Variants in PDS5A observed in about 807,000 individuals in gnomAD.
The protein encoded by PDS5A is sister chromatid cohesion protein PDS5 homolog A.
In PDS5A, 42 loss-of-function variants were observed where a neutral mutation model predicts 167.1. The ratio of observed to expected loss-of-function variants is 0.25; its 90% CI spans 0.20 to 0.33. The LOEUF (loss-of-function observed/expected upper bound fraction) is 0.33, where lower values mean the gene tolerates loss of function less well. Among genes scored for constraint, PDS5A ranks in the 10% least tolerant of loss-of-function variants. PDS5A has a pLI of 1.00. For synonymous variants in PDS5A, 553 were observed against 554.6 expected, an observed-to-expected ratio of 1.00 and a Z score of 0.04; for missense variants, 1,033 against 1,605.9, an observed-to-expected ratio of 0.64 and a Z score of 6.10.
At chr4:39,968,350 T>C (rs1158893013) in intron 2 of PDS5A, among the ~76,000 whole-genome samples, 1 of 147,684 alleles carries the variant, frequency 6.8e-6, no homozygotes, top group African/African-American at 2.4e-5. Flanking sequence ...TGTGATTCTT[T>C]TTTTTTTTTT....
intron 2 of PDS5A, among the ~76,000 whole-genome samples, chr4:39,929,554 T>TATATATATCC (rs1359707022): frequency 2.3e-5 from 3 of 128,482 alleles, no homozygotes; most frequent in African/African-American, 9.0e-5. Flanking sequence ...TATATATATA[T>TATATATATCC]ATCCCATTAA....
At chr4:39,965,948 A>G (rs1015524529) in intron 2 of PDS5A, among the ~76,000 whole-genome samples, 5 of 152,190 alleles carry the variant, frequency 3.3e-5, no homozygotes, top group African/African-American at 7.2e-5. Context: ...TATGTTATGT[A>G]TATTTTACCA....
At chr4:39,868,622 C>A in intron 22 of PDS5A, 1 of 453,536 alleles carries the variant, frequency 2.2e-6, no homozygotes, top group East Asian at 7.0e-5. Context: ...AGCCACCATG[C>A]CTAGCCCAAC....
intron 26 of PDS5A, among the ~76,000 whole-genome samples, chr4:39,861,724 T>A (rs1220195157): frequency 6.6e-6 from 1 of 152,222 alleles, no homozygotes; most frequent in East Asian, 1.9e-4. Flanking sequence ...TTACTCTGAT[T>A]TTCTCATTAC....
At chr4:39,928,353 A>G (rs1045349367) in intron 2 of PDS5A, among the ~76,000 whole-genome samples, 189 bp from the exon 3 acceptor site, 1 of 151,996 alleles carries the variant, frequency 6.6e-6, no homozygotes, top group African/African-American at 2.4e-5. Context: ...CGGCTAGTCT[A>G]AAAAACCCAT....
intron 32 of PDS5A, 123 bp downstream of exon 32, chr4:39,837,733 G>C (rs113434480): frequency 1.5e-6 from 1 of 680,540 alleles, no homozygotes; most frequent in Non-Finnish European, 2.4e-6. Context: ...AACGGACCCA[G>C]GAAAACCAGA....
At position 39,946,207 on chromosome 4, in the gene PDS5A, AAT is replaced by A. The variant is rs1491570234; in HGVS notation, c.139-18045_139-18044del. Among the ~76,000 whole-genome samples, 23 of 61,786 alleles carry A rather than the reference AAT, an allele frequency of 3.7e-4. No homozygotes were observed. In the East Asian group the frequency reaches 0.016, roughly 43 times the overall value. 40.5% of individuals were successfully genotyped at this position (61,786 alleles called of 152,430 possible). Reference sequence around the variant, plus strand: ...GGGTGATGGAGTGAGACTTCATCTCAATAAAAAAAAAAAAAGAAAGAAAAAAA... The same window carrying A: ...GGGTGATGGAGTGAGACTTCATCTCAAAAAAAAAAAAAAGAAAGAAAAAAA... On this transcript the variant is annotated intron_variant, in intron 2 of 32. Transcript: ENST00000303538.
At chr4:39,842,903 CTATTTTTA>C (rs1278273993) in intron 30 of PDS5A, among the ~76,000 whole-genome samples, 2 of 23,986 alleles carry the variant, frequency 8.3e-5, no homozygotes, top group South Asian at 1.7e-3. Flanking sequence ...TAAACTTATC[CTATTTTTA>C]TATATATATA....
At chr4:39,921,662 G>T (rs1724987655) in intron 6 of PDS5A, among the ~76,000 whole-genome samples, 1 of 151,336 alleles carries the variant, frequency 6.6e-6, no homozygotes, top group Non-Finnish European at 1.5e-5. Context: ...TGAGGTAGGA[G>T]GATCACTTGA....
chr4:39,945,458 C>CAAAAA (rs1210256217), intron 2 of PDS5A, among the ~76,000 whole-genome samples: 5,747 of 66,542 alleles, frequency 0.086, 172 homozygotes, highest in Non-Finnish European at 0.14. Flanking sequence ...GAGACTGCCT[C>CAAAAA]AAAAAAAAAA....
chr4:39,894,885 A>C (rs1722260392), intron 16 of PDS5A, among the ~76,000 whole-genome samples: 3 of 152,102 alleles, frequency 2.0e-5, no homozygotes, highest in Admixed American at 6.6e-5. Flanking sequence ...CCCCCTGCCC[A>C]CACACACAAA....
At chr4:39,965,402 T>C (rs910265433) in intron 2 of PDS5A, among the ~76,000 whole-genome samples, 39 of 152,166 alleles carry the variant, frequency 2.6e-4, no homozygotes, top group Admixed American at 2.4e-3. Flanking sequence ...CCAGTAGCCA[T>C]GTGTAGCAGA....
At position 39,842,071 on chromosome 4, in the gene PDS5A, T is replaced by G. The variant is rs926940369; in HGVS notation, c.3549-15A>C. Reference sequence around the variant, plus strand: ...AACTCTGTTCCCTGTTTAAAACAAATAAACCAAGACTTCATATTTCCATGA... The same window carrying G: ...AACTCTGTTCCCTGTTTAAAACAAAGAAACCAAGACTTCATATTTCCATGA... On this transcript the variant is annotated splice_polypyrimidine_tract_variant and intron_variant, in intron 30 of 32. Transcript: ENST00000303538. The G allele has an allele frequency of 6.2e-6, 9 of 1,453,178 alleles. No homozygotes were observed. The highest frequency in any genetic ancestry group is 8.7e-6 in the Non-Finnish European group (9 of 1,033,434). The allele number at this position is 1,453,178 out of a possible 1,614,324, so 90.0% of individuals were successfully genotyped here. A position where few individuals can be genotyped will look rare whatever the true frequency, so the allele number is the denominator to read the frequency against.
intron 2 of PDS5A, among the ~76,000 whole-genome samples, chr4:39,951,214 T>C (rs1728319897): frequency 6.6e-6 from 1 of 152,164 alleles, no homozygotes; most frequent in African/African-American, 2.4e-5. Context: ...TCTTAATGGA[T>C]AGGTAATCTG....
chr4:39,888,899 T>C (rs1186867832), intron 17 of PDS5A, among the ~76,000 whole-genome samples: 2 of 152,176 alleles, frequency 1.3e-5, no homozygotes, highest in African/African-American at 4.8e-5. Flanking sequence ...AATTTGAATG[T>C]TTCTAGCATA....
intron 2 of PDS5A, among the ~76,000 whole-genome samples, chr4:39,963,382 C>CT (rs1729679233): frequency 6.6e-6 from 1 of 152,004 alleles, no homozygotes; most frequent in Non-Finnish European, 1.5e-5. Flanking sequence ...TCGCCTGAAC[C>CT]TAGAAGGCGG....
chr4:39,925,956 TTG>T, intron 4 of PDS5A, 23 bp from the exon 5 acceptor site: 1 of 863,860 alleles, frequency 1.2e-6, no homozygotes, highest in Non-Finnish European at 1.7e-6. Flanking sequence ...AAAATAATTA[TTG>T]AATTATACAT....
chr4:39,837,924 G>A lies in PDS5A; in HGVS notation c.3942C>T (p.Ala1314=), dbSNP rs768125508. 18 of 1,613,896 alleles carry A rather than the reference G, an allele frequency of 1.1e-5. No homozygotes were observed. Among genetic ancestry groups the A allele is most frequent in the Non-Finnish European group, 1.4e-5 (16 of 1,179,860 alleles). ...ESPGGLEAGN[A]KAPKLQDLAK... is the part of the protein sequence containing the mutation. Reference sequence around the variant, plus strand: ...CTAAATCTTGCAGTTTGGGTGCTTTGGCATTACCTGCTTCCAAACCCCCAG... The same window carrying A: ...CTAAATCTTGCAGTTTGGGTGCTTTAGCATTACCTGCTTCCAAACCCCCAG... Residue 1314 remains alanine, a synonymous_variant, in exon 32 of 33, where the codon GCC becomes GCT. Coordinates refer to ENST00000303538, the MANE Select transcript of PDS5A (RefSeq NM_001100399.2).
rs973419497 is a variant in PDS5A, at chr4:39,863,019, C to A, written c.2821G>T (p.Val941Leu). 1 of 1,613,788 alleles carries A rather than the reference C, an allele frequency of 6.2e-7. No individual in the cohort carries two copies. The highest frequency in any genetic ancestry group is 1.7e-5 in the Admixed American group (1 of 60,030). The stretch of plus-strand genomic sequence containing the variant: ...TACTCCAATGGGAGCAGTAACTTCA[C>A]AAGTGCCTTATGCAGCTTCTGAGCA... ...IFAQKLHKAL[V>L]KLLLPLEYMA... is the part of the protein sequence containing the mutation. The change falls in exon 25 of 33, where the codon GTG becomes TTG. Residue 941 changes from valine (V) to leucine (L), a missense_variant. Coordinates refer to ENST00000303538, the MANE Select transcript of PDS5A (RefSeq NM_001100399.2).
Sources: gnomAD v4.1 joint callset for allele counts (sites outside exome capture counted in the v4.1 genomes callset) on GRCh38, gnomAD v4.1.1 for gene constraint, MANE v1.5 for transcripts, NCBI Gene and HGNC (gene_info 2026-07-23, HGNC 2026-07-21) for gene names.